MPPED1: variants seen among roughly 807,000 people sequenced by gnomAD.
MPPED1 encodes the protein metallophosphoesterase domain containing 1, also known as metallophosphoesterase domain-containing protein 1.
MPPED1 carries 16 observed loss-of-function variants against 36.2 expected under a neutral mutation model. The observed-to-expected ratio is 0.44, with a 90% CI of 0.30 to 0.67. MPPED1 has a LOEUF of 0.67. MPPED1 is among the 30% of genes least tolerant of loss of function. The pLI is 0.10. For synonymous variants in MPPED1, 199 were observed against 191.3 expected, an observed-to-expected ratio of 1.04 and a Z score of -0.33; for missense variants, 307 against 453.4, an observed-to-expected ratio of 0.68 and a Z score of 2.93.
chr22:43,419,741 TG>T (rs975497339), intron 1 of MPPED1, among the ~76,000 whole-genome samples: 16 of 116,538 alleles, frequency 1.4e-4, no homozygotes, highest in African/African-American at 1.9e-4. Flanking sequence ...AGTTTGGGGG[TG>T]GGGGGTGGTC....
At position 43,502,324 on chromosome 22, in the gene MPPED1, C is replaced by A. The variant is rs577900041; in HGVS notation, c.749-320C>A. ...GGCGGATGCCACCCTTGAGGCCACT[C>A]GAGCACAGATGGTCTGGGGGGCGCC... On this transcript the variant is annotated intron_variant, in intron 5 of 6. Coordinates refer to ENST00000443721, the MANE Select transcript of MPPED1 (RefSeq NM_001044370.2). This position sits in a 1 kb window ranked among gnomAD's most constrained non-coding sequence, Gnocchi z 5.5. Among the ~76,000 whole-genome samples the A allele has an allele frequency of 1.3e-5, 2 of 152,170 alleles. No homozygotes were observed. Among genetic ancestry groups the A allele is most frequent in the Non-Finnish European group, 2.9e-5 (2 of 68,028 alleles).
At chr22:43,422,897 C>T (rs781315452) in intron 1 of MPPED1, among the ~76,000 whole-genome samples, 1 of 152,144 alleles carries the variant, frequency 6.6e-6, no homozygotes, top group African/African-American at 2.4e-5. Flanking sequence ...AGTGCAGTGG[C>T]GCTGTCTCGG....
intron 3 of MPPED1, among the ~76,000 whole-genome samples, chr22:43,443,528 G>A (rs1930225949): frequency 1.3e-5 from 2 of 152,128 alleles, no homozygotes; most frequent in African/African-American, 4.8e-5. Context: ...TTGCTGGTGG[G>A]GTATGAAGTT....
chr22:43,444,279 G>GGTGTGTGTGTGTGT (rs35340638), intron 3 of MPPED1, among the ~76,000 whole-genome samples: 92 of 142,010 alleles, frequency 6.5e-4, no homozygotes, highest in African/African-American at 1.5e-3. Context: ...GACCCACTGG[G>GGTGTGTGTGTGTGT]GTGTGTGTGT....
At chr22:43,434,333 T>A (rs117367354) in intron 2 of MPPED1, among the ~76,000 whole-genome samples, 4,029 of 152,296 alleles carry the variant, frequency 0.026, 51 homozygotes, top group African/African-American at 0.03. Context: ...AGAAATGGAC[T>A]CCTTTCCTTT....
At chr22:43,422,106 G>A (rs923490046) in intron 1 of MPPED1, among the ~76,000 whole-genome samples, 2 of 152,146 alleles carry the variant, frequency 1.3e-5, no homozygotes, top group Non-Finnish European at 2.9e-5. Context: ...CCCAGATCCA[G>A]GCCTCTCCGA....
chr22:43,462,405 G>A lies in MPPED1; in HGVS notation c.407-12331G>A, dbSNP rs542122910. On this transcript the variant is annotated intron_variant, in intron 3 of 6. Transcript: ENST00000443721. ...TCTAGTGCTGCTTCTCTTGTTTCTC[G>A]AAGGAACAACCTGGGATTGCTATGT... is the stretch of plus-strand genomic sequence containing the variant. 1.2e-4 allele frequency among the ~76,000 whole-genome samples: 19 copies of A among 152,216 alleles called. 1 individual carries two copies. The South Asian group carries it at 2.5e-3, about 20-fold the overall frequency.
intron 4 of MPPED1, among the ~76,000 whole-genome samples, chr22:43,495,611 G>GAGGAGGTAC (rs1932279480): frequency 1.1e-5 from 1 of 90,852 alleles, no homozygotes; most frequent in African/African-American, 3.5e-5. Flanking sequence ...GATGGTGGAG[G>GAGGAGGTAC]TAGTAGTGGT....
intron 1 of MPPED1, chr22:43,417,858 T>A (rs572561998): frequency 9.8e-5 from 35 of 357,414 alleles, no homozygotes; most frequent in South Asian, 7.4e-4. Flanking sequence ...TACTCTCAGT[T>A]AAAGGCCCCA....
chr22:43,447,859 T>TTATATATATA (rs1238294657), intron 3 of MPPED1, among the ~76,000 whole-genome samples: 841 of 62,424 alleles, frequency 0.013, 39 homozygotes, highest in South Asian at 0.019. Context: ...TATGTAAATA[T>TTATATATATA]TATATATATA....
chr22:43,486,222 T>A (rs1931908428), intron 4 of MPPED1, among the ~76,000 whole-genome samples: 1 of 152,248 alleles, frequency 6.6e-6, no homozygotes, highest in Admixed American at 6.5e-5. Flanking sequence ...CAGTTTCCCC[T>A]GTTGCAGAAT....
intron 4 of MPPED1, among the ~76,000 whole-genome samples, chr22:43,491,340 GTGA>G (rs1356132216): frequency 6.6e-6 from 1 of 152,014 alleles, no homozygotes; most frequent in East Asian, 1.9e-4. Flanking sequence ...GGTGATGGTG[GTGA>G]TGAGAGTGAT....
In MPPED1 at chr22:43,463,041, C is replaced by A. The variant is rs191920805; in HGVS notation, c.407-11695C>A. On this transcript the variant is annotated intron_variant, in intron 3 of 6. Transcript: ENST00000443721. ...AGGTATAGAATTCTGAGTTGCAGATCATTTTCCCCTAGAGTTTGGAAGGCA... is the reference window on the plus strand; with the variant it reads ...AGGTATAGAATTCTGAGTTGCAGATAATTTTCCCCTAGAGTTTGGAAGGCA... Among the ~76,000 whole-genome samples, 194 of 152,224 alleles carry A rather than the reference C, an allele frequency of 1.3e-3. 1 individual carries two copies. In the Middle Eastern group the frequency reaches 0.014, roughly 11 times the overall value.
chr22:43,491,375 AGTGGTGATGATGGTGGAGGTG>A (rs1180263551), intron 4 of MPPED1, among the ~76,000 whole-genome samples: 2 of 151,054 alleles, frequency 1.3e-5, no homozygotes, highest in African/African-American at 2.4e-5. Flanking sequence ...TGATAATGGT[AGTGGTGATGATGGTGGAGGTG>A]GTGGTGATGA....
intron 3 of MPPED1, among the ~76,000 whole-genome samples, chr22:43,453,304 A>G (rs1002190622): frequency 1.3e-5 from 2 of 148,858 alleles, no homozygotes; most frequent in Non-Finnish European, 3.0e-5. Context: ...GAACATCGCT[A>G]TGGGCCGTTT....
At chr22:43,489,745 C>T (rs1300403766) in intron 4 of MPPED1, among the ~76,000 whole-genome samples, 3 of 152,164 alleles carry the variant, frequency 2.0e-5, no homozygotes, top group African/African-American at 7.2e-5. Flanking sequence ...TGTCGAACTC[C>T]TGACCTGAGG....
At chr22:43,424,198 G>C (rs1273677300) in intron 1 of MPPED1, among the ~76,000 whole-genome samples, 2 of 152,174 alleles carry the variant, frequency 1.3e-5, no homozygotes. Flanking sequence ...ATCCTTACGA[G>C]AGAGATGGTA....
intron 4 of MPPED1, among the ~76,000 whole-genome samples, chr22:43,488,058 A>G (rs1010857254): frequency 4.6e-5 from 7 of 152,012 alleles, no homozygotes; most frequent in African/African-American, 1.7e-4. Flanking sequence ...CTGCATCTGT[A>G]GAGTGGAGGC....
At chr22:43,479,299 AAGCAC>A (rs894693029) in intron 4 of MPPED1, among the ~76,000 whole-genome samples, 1 of 152,232 alleles carries the variant, frequency 6.6e-6, no homozygotes, top group Non-Finnish European at 1.5e-5. Context: ...CCAGCTTTAG[AAGCAC>A]AGTTAGACCA....
Sources: gnomAD v4.1 joint callset for allele counts (sites outside exome capture counted in the v4.1 genomes callset) on GRCh38, gnomAD v4.1.1 for gene constraint, Gnocchi (gnomAD v3.1) non-coding constraint, MANE v1.5 for transcripts, NCBI Gene and HGNC (gene_info 2026-07-23, HGNC 2026-07-21) for gene names.